LYPLAL1: variants seen among roughly 807,000 people sequenced by gnomAD.
LYPLAL1 encodes lysophospholipase-like protein 1.
LYPLAL1 carries 23 observed loss-of-function variants against 19.7 expected under a neutral mutation model. That is an observed-to-expected ratio of 1.17 (90% confidence interval 0.84 to 1.65). The LOEUF (loss-of-function observed/expected upper bound fraction) is 1.65, where lower values mean the gene tolerates loss of function less well. Ranked by LOEUF, LYPLAL1 falls within the 40% of genes most tolerant of loss-of-function variation. The probability of loss-of-function intolerance (pLI) is 0.00; values close to 1 mark genes in which losing one functional copy is unlikely to be tolerated. For missense variants in LYPLAL1, 355 were observed against 279.4 expected (o/e 1.27, Z -1.93); for synonymous variants, 119 against 96.3 (o/e 1.24, Z -1.38).
the LYPLAL1 span, among the ~76,000 whole-genome samples, chr1:219,341,156 A>G: frequency 0.07 from 10,720 of 152,210 alleles, 482 homozygotes; most frequent in Non-Finnish European, 0.1. Flanking sequence ...TATGGAGTGT[A>G]TGCAAGACAC....
At chr1:219,200,632 G>A in intron 3 of LYPLAL1, 2 of 204,852 alleles carry the variant, frequency 9.8e-6, no homozygotes, top group Non-Finnish European at 1.0e-5. Flanking sequence ...GATCTCTTTT[G>A]GGGGTAGTGT....
At chr1:219,351,252 A>G in the LYPLAL1 span, among the ~76,000 whole-genome samples, 2 of 151,932 alleles carry the variant, frequency 1.3e-5, no homozygotes, top group African/African-American at 4.8e-5. Context: ...TTCTCTCAGG[A>G]CCTTTTCATT....
the LYPLAL1 span, among the ~76,000 whole-genome samples, chr1:219,388,047 C>T: frequency 6.6e-6 from 1 of 152,166 alleles, no homozygotes; most frequent in African/African-American, 2.4e-5. Flanking sequence ...ATTATGTCCA[C>T]AGCAAATGTT....
chr1:219,254,635 G>C, the LYPLAL1 span, among the ~76,000 whole-genome samples: 1 of 152,008 alleles, frequency 6.6e-6, no homozygotes, highest in Non-Finnish European at 1.5e-5. Flanking sequence ...TAGAATTTCA[G>C]TTGAGCCGTC....
At chr1:219,222,238 C>T in the LYPLAL1 span, 2 of 152,212 alleles carry the variant, frequency 1.3e-5, no homozygotes, top group African/African-American at 2.4e-5. Flanking sequence ...GTAAGCAAAC[C>T]ACATTTCAAT....
At chr1:219,406,370 T>C in the LYPLAL1 span, among the ~76,000 whole-genome samples, 1 of 152,240 alleles carries the variant, frequency 6.6e-6, no homozygotes, top group Non-Finnish European at 1.5e-5. Context: ...TTTATCTCTG[T>C]GGTTCAGGTG....
chr1:219,365,595 T>C, the LYPLAL1 span, among the ~76,000 whole-genome samples: 1 of 152,158 alleles, frequency 6.6e-6, no homozygotes, highest in Non-Finnish European at 1.5e-5. Flanking sequence ...TGGATACCTC[T>C]ACAAAGTTTA....
At chr1:219,353,416 A>G in the LYPLAL1 span, among the ~76,000 whole-genome samples, 2 of 152,254 alleles carry the variant, frequency 1.3e-5, no homozygotes, top group Admixed American at 6.5e-5. Context: ...TATTGGAGAC[A>G]GATAAACTGT....
At chr1:219,315,163 C>A in the LYPLAL1 span, among the ~76,000 whole-genome samples, 1 of 152,086 alleles carries the variant, frequency 6.6e-6, no homozygotes, top group African/African-American at 2.4e-5. Context: ...AAACTGAAAT[C>A]TTTGCCTTTA....
At chr1:219,304,503 A>G in the LYPLAL1 span, among the ~76,000 whole-genome samples, 1 of 152,220 alleles carries the variant, frequency 6.6e-6, no homozygotes, top group Non-Finnish European at 1.5e-5. Flanking sequence ...CATGGCATCT[A>G]TTTAGTGAGT....
chr1:219,260,856 G>C, the LYPLAL1 span, among the ~76,000 whole-genome samples: 1 of 151,456 alleles, frequency 6.6e-6, no homozygotes, highest in Admixed American at 6.6e-5. Flanking sequence ...TTAGAAATTA[G>C]GTTCTATAGG....
At chr1:219,241,118 C>A in the LYPLAL1 span, among the ~76,000 whole-genome samples, 2 of 94,102 alleles carry the variant, frequency 2.1e-5, no homozygotes, top group Non-Finnish European at 4.5e-5. Flanking sequence ...CTCTCTCTCT[C>A]TCTCTCTCTC....
chr1:219,232,855 G>A, the LYPLAL1 span, among the ~76,000 whole-genome samples: 1 of 141,352 alleles, frequency 7.1e-6, no homozygotes, highest in African/African-American at 2.5e-5. Flanking sequence ...TGATAGGATG[G>A]CTACTATTTA....
chr1:219,327,086 G>C, the LYPLAL1 span, among the ~76,000 whole-genome samples: 1 of 152,142 alleles, frequency 6.6e-6, no homozygotes, highest in Admixed American at 6.5e-5. Context: ...GACAGAGCTA[G>C]ACCCCGTCTC....
chr1:219,223,684 C>T, the LYPLAL1 span, among the ~76,000 whole-genome samples: 3 of 152,072 alleles, frequency 2.0e-5, no homozygotes, highest in African/African-American at 7.2e-5. Context: ...GCAAAATGCC[C>T]ATAAGAGACT....
the LYPLAL1 span, among the ~76,000 whole-genome samples, chr1:219,219,655 CTAT>C: frequency 6.6e-6 from 1 of 152,132 alleles, no homozygotes; most frequent in Non-Finnish European, 1.5e-5. Context: ...ATAGTGACAA[CTAT>C]TATTCTATGA....
the LYPLAL1 span, among the ~76,000 whole-genome samples, chr1:219,406,475 A>C: frequency 6.6e-6 from 1 of 152,208 alleles, no homozygotes; most frequent in Non-Finnish European, 1.5e-5. Context: ...ACCTAAACAC[A>C]CTTGCATGGC....
intron 3 of LYPLAL1, among the ~76,000 whole-genome samples, chr1:219,195,052 C>T (rs1246261611): frequency 6.6e-6 from 1 of 151,942 alleles, no homozygotes; most frequent in African/African-American, 2.4e-5. Flanking sequence ...CAGTCCACCA[C>T]TTCCTAGTTG....
chr1:219,320,160 C>G, the LYPLAL1 span, among the ~76,000 whole-genome samples: 3 of 152,126 alleles, frequency 2.0e-5, no homozygotes, highest in Non-Finnish European at 4.4e-5. Context: ...TATCTCCATT[C>G]TCCGTCCCAT....
Sources: allele counts gnomAD v4.1 joint callset (sites outside exome capture counted in the v4.1 genomes callset), GRCh38; gene constraint gnomAD v4.1.1; transcripts MANE v1.5; gene names NCBI Gene and HGNC (gene_info 2026-07-23, HGNC 2026-07-21).